Variants in SMYD3 observed in about 807,000 individuals in gnomAD.
SMYD3 encodes histone-lysine N-methyltransferase SMYD3.
In SMYD3, 36 loss-of-function variants were observed where a neutral mutation model predicts 57.7. The observed-to-expected ratio is 0.62, with a 90% confidence interval of 0.48 to 0.82. The LOEUF (loss-of-function observed/expected upper bound fraction) is 0.82. Among genes scored for constraint, SMYD3 ranks in the 40% least tolerant of loss-of-function variants. SMYD3 has a pLI of 0.00. For synonymous variants in SMYD3, 211 were observed against 195.0 expected, an observed-to-expected ratio of 1.08 and a Z score of -0.68; for missense variants, 515 against 538.8, an observed-to-expected ratio of 0.96 and a Z score of 0.44.
intron 8 of SMYD3, among the ~76,000 whole-genome samples, chr1:245,866,518 G>A (rs1308424105): frequency 6.6e-6 from 1 of 152,132 alleles, no homozygotes. Context: ...GATCACCTGA[G>A]GTCAGGAGTT....
intron 1 of SMYD3, among the ~76,000 whole-genome samples, chr1:246,409,937 A>C (rs529745905): frequency 2.0e-5 from 3 of 152,300 alleles, no homozygotes; most frequent in Admixed American, 2.0e-4. Context: ...TCTTTGAAGC[A>C]ATTGTGAATG....
chr1:246,097,709 C>T (rs1206189067), intron 5 of SMYD3, among the ~76,000 whole-genome samples: 5 of 151,950 alleles, frequency 3.3e-5, no homozygotes, highest in Admixed American at 6.6e-5. Context: ...TGCTTCGTGA[C>T]CAACTCAGAC....
Position 245,814,890 on chromosome 1 carries a change from G to GCA in SMYD3, c.1076+43604_1076+43605dup, listed in dbSNP as rs933512812. On this transcript the variant is annotated intron_variant, in intron 10 of 11. Coordinates refer to ENST00000490107, the MANE Select transcript of SMYD3 (RefSeq NM_001167740.2). ...CACACACACGCACGCACACACGCAT[G>GCA]CACACACACACACTCTATCTTCACT... Among the ~76,000 whole-genome samples, 117 of 150,160 alleles carry GCA rather than the reference G, an allele frequency of 7.8e-4. 2 individuals are homozygous for GCA. The highest frequency in any genetic ancestry group is 9.9e-4 in the Non-Finnish European group (67 of 67,422).
intron 5 of SMYD3, among the ~76,000 whole-genome samples, chr1:246,065,269 T>C (rs2060321426): frequency 6.6e-6 from 1 of 152,202 alleles, no homozygotes; most frequent in Non-Finnish European, 1.5e-5. Context: ...AATGCATACG[T>C]GCACCCATAT....
intron 10 of SMYD3, among the ~76,000 whole-genome samples, chr1:245,825,909 C>G (rs10924342): frequency 0.84 from 122,702 of 146,184 alleles, 52,972 homozygotes; most frequent in Non-Finnish European, 0.95. Flanking sequence ...AGTCACTCTA[C>G]GAAAACTCCA....
intron 1 of SMYD3, among the ~76,000 whole-genome samples, chr1:246,364,442 CA>C: frequency 6.6e-6 from 1 of 152,268 alleles, no homozygotes; most frequent in South Asian, 2.1e-4. Flanking sequence ...TCTATTAACT[CA>C]CACTAAATTT....
At chr1:245,846,209 G>A (rs984571148) in intron 10 of SMYD3, among the ~76,000 whole-genome samples, 9 of 152,288 alleles carry the variant, frequency 5.9e-5, no homozygotes, top group African/African-American at 1.7e-4. Context: ...GAAAAAGAAC[G>A]CAAGAGCAAG....
intron 11 of SMYD3, among the ~76,000 whole-genome samples, chr1:245,758,086 CCTT>C (rs2045685835): frequency 6.6e-6 from 1 of 152,068 alleles, no homozygotes; most frequent in African/African-American, 2.4e-5. Context: ...CTTATTTATG[CCTT>C]CTTCATGGAG....
chr1:246,183,211 G>A (rs1295471660), intron 5 of SMYD3, among the ~76,000 whole-genome samples: 1 of 152,020 alleles, frequency 6.6e-6, no homozygotes, highest in Admixed American at 6.6e-5. Flanking sequence ...GGCAATCAAT[G>A]AAATCTGCAT....
At position 246,507,275 on chromosome 1, in the gene SMYD3, G is replaced by A. The variant is rs1046188554; in HGVS notation, c.-58C>T. The A allele has an allele frequency of 1.5e-5, 21 of 1,430,684 alleles. No homozygotes were observed. The highest frequency in any genetic ancestry group is 4.5e-5 in the African/African-American group (3 of 66,962). The allele number at this position is 1,430,684 out of a possible 1,614,324, so 88.6% of individuals were successfully genotyped here. A position where few individuals can be genotyped will look rare whatever the true frequency, so the allele number is the denominator to read the frequency against. On this transcript the variant is annotated 5_prime_UTR_variant, in exon 1 of 12. Transcript: ENST00000490107. ...CCGCGTCCAGCAGCGGGCGTCTCAC[G>A]GGCTGCCGGGACCCGCGCGCCTGCG...
intron 5 of SMYD3, among the ~76,000 whole-genome samples, chr1:246,229,854 C>T (rs1291979751): frequency 4.0e-5 from 6 of 151,264 alleles, no homozygotes; most frequent in Admixed American, 1.3e-4. Flanking sequence ...AATCATAGCA[C>T]GTGCCTTTCA....
At chr1:245,949,825 A>AACCCCC (rs2057559888) in intron 5 of SMYD3, among the ~76,000 whole-genome samples, 2 of 93,300 alleles carry the variant, frequency 2.1e-5, no homozygotes, top group Non-Finnish European at 3.8e-5. Context: ...AAAGAAACCC[A>AACCCCC]CCCCCCCCAC....
At position 245,914,423 on chromosome 1, in the gene SMYD3, A is replaced by G. The variant is rs116381769; in HGVS notation, c.813+1107T>C. Reference sequence around the variant, plus strand: ...AAAGAAAATGTGGCATACATACACAATGGAATATTATTCAGTCATGAAAAT... The same window carrying G: ...AAAGAAAATGTGGCATACATACACAGTGGAATATTATTCAGTCATGAAAAT... On this transcript the variant is annotated intron_variant, in intron 8 of 11. Coordinates refer to ENST00000490107, the MANE Select transcript of SMYD3 (RefSeq NM_001167740.2). Among the ~76,000 whole-genome samples, 455 of 152,378 alleles carry G rather than the reference A, an allele frequency of 3.0e-3. 2 individuals are homozygous for G. Among genetic ancestry groups the G allele is most frequent in the Non-Finnish European group, 4.8e-3 (330 of 68,046 alleles).
chr1:246,013,808 TTGTAC>T (rs963040125), intron 5 of SMYD3, among the ~76,000 whole-genome samples: 2 of 152,216 alleles, frequency 1.3e-5, no homozygotes, highest in African/African-American at 4.8e-5. Flanking sequence ...TGTGTGTTTT[TTGTAC>T]TGTCCCTGTC....
chr1:246,492,396 A>C (rs2068285485), intron 1 of SMYD3, among the ~76,000 whole-genome samples: 1 of 152,178 alleles, frequency 6.6e-6, no homozygotes, highest in Admixed American at 6.5e-5. Flanking sequence ...ATCTCAGAGA[A>C]CGCCGATGGC....
intron 1 of SMYD3, among the ~76,000 whole-genome samples, chr1:246,434,380 A>T (rs1286007591): frequency 6.6e-6 from 1 of 152,260 alleles, no homozygotes; most frequent in Non-Finnish European, 1.5e-5. Context: ...ATATTCACAA[A>T]CTGTGAATTT....
chr1:245,938,243 G>A (rs1329278137), intron 5 of SMYD3, among the ~76,000 whole-genome samples: 2 of 152,204 alleles, frequency 1.3e-5, no homozygotes, highest in Non-Finnish European at 2.9e-5. Context: ...CATGACTCGT[G>A]TACAAGCTGT....
intron 7 of SMYD3, among the ~76,000 whole-genome samples, chr1:245,920,095 C>A (rs373951698): frequency 2.6e-5 from 4 of 152,158 alleles, no homozygotes; most frequent in South Asian, 4.1e-4. Context: ...GGTAGGATCA[C>A]GAGGTCAGGA....
At chr1:246,462,871 TAGAAAAAAAGAA>T (rs1203264418) in intron 1 of SMYD3, among the ~76,000 whole-genome samples, 9 of 151,118 alleles carry the variant, frequency 6.0e-5, no homozygotes, top group Admixed American at 2.6e-4. Flanking sequence ...TTTAATTGAG[TAGAAAAAAAGAA>T]AGAAAAAAAT....
Sources: gnomAD v4.1 joint callset for allele counts (sites outside exome capture counted in the v4.1 genomes callset) on GRCh38, gnomAD v4.1.1 for gene constraint, MANE v1.5 for transcripts, NCBI Gene and HGNC (gene_info 2026-07-23, HGNC 2026-07-21) for gene names.